The following CC2D2B variants were observed in gnomAD, a reference collection of about 807,000 sequenced individuals.
The protein encoded by CC2D2B is coiled-coil and C2 domain containing 2B.
CC2D2B carries 128 observed loss-of-function variants against 161.2 expected under a neutral mutation model. The ratio of observed to expected loss-of-function variants is 0.79; its 90% CI spans 0.69 to 0.92. The LOEUF (loss-of-function observed/expected upper bound fraction) is 0.92. CC2D2B is among the 40% of genes least tolerant of loss of function. CC2D2B has a pLI of 0.00. For missense variants in CC2D2B, 1,173 were observed against 1,375.1 expected (o/e 0.85, Z 2.32); for synonymous variants, 391 against 449.8 (o/e 0.87, Z 1.65).
At chr10:95,991,174 G>T (rs2077942031) in intron 20 of CC2D2B, among the ~76,000 whole-genome samples, 196 bp from the exon 21 acceptor site, 1 of 152,138 alleles carries the variant, frequency 6.6e-6, no homozygotes, top group Admixed American at 6.5e-5. Context: ...AACTAGCTTT[G>T]GTGTGACAGT....
At chr10:96,009,016 T>C (rs972240893) in intron 25 of CC2D2B, among the ~76,000 whole-genome samples, 3 of 152,128 alleles carry the variant, frequency 2.0e-5, no homozygotes, top group African/African-American at 7.2e-5. Flanking sequence ...TTTTGATGAA[T>C]AGATTCCTGT....
chr10:96,029,229 C>A (rs1229067488), intron 34 of CC2D2B, among the ~76,000 whole-genome samples: 2 of 107,428 alleles, frequency 1.9e-5, no homozygotes, highest in East Asian at 2.8e-4. Flanking sequence ...ATCAAAATAT[C>A]TTTTCATGTA....
At chr10:95,926,970 G>A (rs2098540547) in intron 5 of CC2D2B, among the ~76,000 whole-genome samples, 1 of 151,984 alleles carries the variant, frequency 6.6e-6, no homozygotes, top group Non-Finnish European at 1.5e-5. Context: ...CCAGACTATA[G>A]TGAGGAGATA....
At chr10:95,963,785 A>C (rs1430386314) in intron 12 of CC2D2B, among the ~76,000 whole-genome samples, 1 of 152,198 alleles carries the variant, frequency 6.6e-6, no homozygotes. Context: ...GGATTTCCTG[A>C]CATGGAGGTT....
chr10:95,934,677 G>A (rs528043486), intron 6 of CC2D2B, among the ~76,000 whole-genome samples: 8 of 152,080 alleles, frequency 5.3e-5, no homozygotes, highest in South Asian at 4.1e-4. Flanking sequence ...TGGGTGAGGC[G>A]GTGCCCCACC....
intron 2 of CC2D2B, among the ~76,000 whole-genome samples, chr10:95,918,486 T>C (rs2098520775): frequency 6.6e-6 from 1 of 152,268 alleles, no homozygotes; most frequent in South Asian, 2.1e-4. Context: ...CTGCCAGATA[T>C]ATTGGAGTTC....
chr10:95,918,293 A>G (rs928015496), intron 2 of CC2D2B, among the ~76,000 whole-genome samples: 2 of 152,202 alleles, frequency 1.3e-5, no homozygotes, highest in South Asian at 2.1e-4. Context: ...TTTCTTGCAG[A>G]ACAGATTTGG....
intron 6 of CC2D2B, among the ~76,000 whole-genome samples, chr10:95,933,901 C>T (rs541535760): frequency 6.6e-6 from 1 of 152,308 alleles, no homozygotes; most frequent in South Asian, 2.1e-4. Flanking sequence ...TAGCAGAGCT[C>T]GAGCACTGTG....
intron 17 of CC2D2B, among the ~76,000 whole-genome samples, chr10:95,977,834 G>A (rs2077373620): frequency 6.6e-6 from 1 of 152,154 alleles, no homozygotes; most frequent in Non-Finnish European, 1.5e-5. Flanking sequence ...GGCTTTTATA[G>A]GCTATCTTTT....
chr10:95,939,673 A>C (rs1361115803), intron 9 of CC2D2B, among the ~76,000 whole-genome samples: 1 of 152,230 alleles, frequency 6.6e-6, no homozygotes, highest in Non-Finnish European at 1.5e-5. Flanking sequence ...TTTAAATCAT[A>C]GCCATTCTGA....
intron 19 of CC2D2B, among the ~76,000 whole-genome samples, chr10:95,986,442 G>T (rs1312448933): frequency 1.4e-5 from 2 of 142,182 alleles, no homozygotes; most frequent in African/African-American, 5.2e-5. Context: ...CATGTGGAAA[G>T]AAATAAAATT....
chr10:96,010,044 T>C, intron 26 of CC2D2B, 121 bp downstream of exon 26: 1 of 614,862 alleles, frequency 1.6e-6, no homozygotes, highest in South Asian at 2.2e-5. Context: ...AAGATGATCC[T>C]GTATTAGAAT....
intron 14 of CC2D2B, among the ~76,000 whole-genome samples, chr10:95,967,537 T>C (rs1476006001): frequency 1.3e-5 from 2 of 151,972 alleles, no homozygotes; most frequent in Non-Finnish European, 2.9e-5. Context: ...AGGATAGAAG[T>C]GAAAAGAATA....
At chr10:95,942,498 G>T (rs2076058007) in intron 9 of CC2D2B, among the ~76,000 whole-genome samples, 1 of 152,012 alleles carries the variant, frequency 6.6e-6, no homozygotes, top group Non-Finnish European at 1.5e-5. Flanking sequence ...CACCCAATGA[G>T]TTCTTTCCCT....
At chr10:95,964,212 C>T (rs556310615) in intron 12 of CC2D2B, among the ~76,000 whole-genome samples, 93 of 152,242 alleles carry the variant, frequency 6.1e-4, no homozygotes, top group African/African-American at 2.1e-3. Context: ...AGTCATTTGG[C>T]TCAGAATAGA....
intron 16 of CC2D2B, 142 bp from the exon 17 acceptor site, chr10:95,973,861 CAAAAAA>C: frequency 1.5e-4 from 34 of 231,438 alleles, no homozygotes; most frequent in South Asian, 2.9e-4. Flanking sequence ...AACTCTGTCT[CAAAAAA>C]AAAAAAAAAA....
In CC2D2B at chr10:96,019,264, C is replaced by G. The variant is rs759137829; in HGVS notation, c.3692C>G (p.Thr1231Ser). The change falls in exon 31 of 35, where the codon ACT becomes AGT. Residue 1231 changes from threonine to serine, a missense_variant. By Grantham distance (58) the Thr-to-Ser change is moderately conservative (BLOSUM62 1). This residue lies in a region of CC2D2B where 598 missense variants were observed against 693.2 expected (regional missense o/e 0.86). Transcript: ENST00000646931. ...TNEYLLWNPS[T>S]GQCYKQFDPF... ...GAATATTTGCTTTGGAATCCATCAA[C>G]TGGCCAATGTTATAAGCAGTTTGAC... 3.7e-6 allele frequency: 6 copies of G among 1,612,786 alleles called. No homozygotes were observed. In the African/African-American group the frequency reaches 5.3e-5, roughly 14 times the overall value.
rs556804195 is a variant in CC2D2B at position 95,982,921 on chromosome 10, G to A, written c.2083-685G>A. 1.3e-4 allele frequency among the ~76,000 whole-genome samples: 20 copies of A among 152,078 alleles called. No homozygotes were observed. The East Asian group carries it at 3.3e-3, about 25-fold the overall frequency. ...CGTGTAGCTGGGATTACAGCCACAC[G>A]CCACTGCGCCCAGCTAATTTTTGTA... is the stretch of plus-strand genomic sequence containing the variant. On this transcript the variant is annotated intron_variant, in intron 18 of 34. Transcript: ENST00000646931.
chr10:96,015,903 A>G (rs1339073493), intron 29 of CC2D2B, among the ~76,000 whole-genome samples: 1 of 152,128 alleles, frequency 6.6e-6, no homozygotes, highest in East Asian at 1.9e-4. Context: ...GCACTTTAAT[A>G]TTTGTCCTAA....
Sources: allele counts gnomAD v4.1 joint callset (sites outside exome capture counted in the v4.1 genomes callset), GRCh38; gene constraint gnomAD v4.1.1; regional missense constraint gnomAD v4.1.1; transcripts MANE v1.5; gene names NCBI Gene and HGNC (gene_info 2026-07-23, HGNC 2026-07-21).